The following PSTPIP1 variants were observed in gnomAD, a reference collection of about 807,000 sequenced individuals.
PSTPIP1 encodes the protein proline-serine-threonine phosphatase-interacting protein 1.
PSTPIP1 carries 66 observed loss-of-function variants against 69.6 expected under a neutral mutation model. The observed-to-expected ratio is 0.95, with a 90% CI of 0.78 to 1.16. The LOEUF (loss-of-function observed/expected upper bound fraction) is 1.16, where lower values mean the gene tolerates loss of function less well. Among genes scored for constraint, PSTPIP1 ranks in the 50% most tolerant of loss-of-function variants. The pLI, the probability that PSTPIP1 is intolerant of heterozygous loss-of-function variation, is 0.00. For missense variants in PSTPIP1, 603 were observed against 557.4 expected (o/e 1.08, Z -0.82); for synonymous variants, 266 against 222.7 (o/e 1.19, Z -1.73).
rs954224214 is a variant in PSTPIP1, at chr15:77,031,399, G to A, written c.741+121G>A. The A allele has an allele frequency of 7.3e-5, 80 of 1,094,236 alleles. No homozygotes were observed. In the South Asian group the frequency reaches 9.8e-4, roughly 13 times the overall value. The allele number at this position is 1,094,236 out of a possible 1,614,324, so 67.8% of individuals were successfully genotyped here. A position where few individuals can be genotyped will look rare whatever the true frequency, so the allele number is the denominator to read the frequency against. On this transcript the variant is annotated intron_variant, in intron 10 of 14. Transcript: ENST00000558012. Reference sequence around the variant, plus strand: ...CTCTGTGATCCAAGCCTGGCCCCAGGGGTCTCAGGCCTCAGCAGCTCAGCC... The same window carrying A: ...CTCTGTGATCCAAGCCTGGCCCCAGAGGTCTCAGGCCTCAGCAGCTCAGCC...
rs2076603781 is a variant in PSTPIP1 at position 77,037,229 on chromosome 15, C to T, written c.*53C>T. ...GCCCTGCCAGTGGAGCCAGCAGTGC[C>T]CCCAGCACTGTCCCCACCTTGCTAG... On this transcript the variant is annotated 3_prime_UTR_variant, in exon 15 of 15. Transcript: ENST00000558012. 1.3e-6 allele frequency: 2 copies of T among 1,550,352 alleles called. No homozygotes were observed. Among genetic ancestry groups the T allele is most frequent in the Admixed American group, 1.9e-5 (1 of 51,326 alleles).
intron 1 of PSTPIP1, among the ~76,000 whole-genome samples, chr15:77,000,885 G>A (rs2075693853): frequency 6.6e-6 from 1 of 151,824 alleles, no homozygotes; most frequent in Non-Finnish European, 1.5e-5. Flanking sequence ...ATTTTAAATT[G>A]TAGCGAAATA....
intron 1 of PSTPIP1, among the ~76,000 whole-genome samples, chr15:77,010,435 G>A (rs538239361): frequency 5.3e-5 from 8 of 152,248 alleles, no homozygotes; most frequent in African/African-American, 1.9e-4. Context: ...GCCCTTTGCT[G>A]TGTGTGACTT....
chr15:77,031,809 C>T (rs558046398), intron 10 of PSTPIP1: 69 of 175,908 alleles, frequency 3.9e-4, no homozygotes, highest in African/African-American at 1.5e-3. Flanking sequence ...ACGGCTCTCC[C>T]GGGCAGCCCT....
intron 14 of PSTPIP1, among the ~76,000 whole-genome samples, chr15:77,036,795 C>T (rs2076586108): frequency 6.6e-6 from 1 of 152,084 alleles, no homozygotes; most frequent in Non-Finnish European, 1.5e-5. Context: ...GTCACTGCGT[C>T]TCCAGAATGG....
intron 5 of PSTPIP1, 58 bp downstream of exon 5, chr15:77,025,662 T>C: frequency 7.4e-7 from 1 of 1,349,572 alleles, no homozygotes; most frequent in Non-Finnish European, 1.0e-6. Flanking sequence ...TCTCAGTTGC[T>C]GTGGGGGTAG....
chr15:77,029,988 C>T (rs978992286), intron 8 of PSTPIP1, among the ~76,000 whole-genome samples: 1 of 152,150 alleles, frequency 6.6e-6, no homozygotes, highest in Non-Finnish European at 1.5e-5. Flanking sequence ...ACTCTTGTCC[C>T]TGCTGGTGCC....
At chr15:76,995,123 C>T, upstream of PSTPIP1, 1 of 1,179,050 alleles carries the variant, frequency 8.5e-7, no homozygotes, top group Non-Finnish European at 1.1e-6. Context: ...GGGGAGGTTG[C>T]ACAAACCTTC....
intron 3 of PSTPIP1, among the ~76,000 whole-genome samples, chr15:77,020,879 GGT>G (rs574797740): frequency 0.043 from 5,467 of 127,928 alleles, 262 homozygotes; most frequent in Non-Finnish European, 0.056. Flanking sequence ...GGGGGGGGGG[GGT>G]GTGTGTGTTG....
chr15:77,003,938 A>G (rs2075765912), intron 1 of PSTPIP1, among the ~76,000 whole-genome samples: 3 of 152,192 alleles, frequency 2.0e-5, no homozygotes. Flanking sequence ...CCATAGGGTG[A>G]GCCTTATACA....
chr15:77,007,754 C>T (rs1472702787), intron 1 of PSTPIP1: 1 of 369,682 alleles, frequency 2.7e-6, no homozygotes, highest in Non-Finnish European at 5.5e-6. Context: ...ACCACCATGC[C>T]CAGCTAATTT....
chr15:77,025,800 AG>A (rs1192097182), intron 5 of PSTPIP1, among the ~76,000 whole-genome samples, 196 bp downstream of exon 5: 1 of 152,270 alleles, frequency 6.6e-6, no homozygotes, highest in Non-Finnish European at 1.5e-5. Context: ...GCTGGCACTA[AG>A]GCCAACTCTT....
At chr15:77,028,388 T>G in intron 6 of PSTPIP1, 166 bp from the exon 7 acceptor site, 1 of 578,656 alleles carries the variant, frequency 1.7e-6, no homozygotes, top group Non-Finnish European at 3.1e-6. Flanking sequence ...CCACGCCTTC[T>G]CTATCTCCTT....
At chr15:77,016,794 T>A (rs906465538) in intron 1 of PSTPIP1, among the ~76,000 whole-genome samples, 10 of 152,142 alleles carry the variant, frequency 6.6e-5, no homozygotes, top group African/African-American at 2.2e-4. Flanking sequence ...AGCACCTGAC[T>A]CAAATGCCTC....
chr15:77,005,694 A>G (rs1314307102), intron 1 of PSTPIP1, among the ~76,000 whole-genome samples: 1 of 152,190 alleles, frequency 6.6e-6, no homozygotes, highest in East Asian at 1.9e-4. Flanking sequence ...TTCTAGCTCT[A>G]TGGATTTGCC....
chr15:77,017,498 A>G (rs1184271379), intron 1 of PSTPIP1, among the ~76,000 whole-genome samples: 1 of 151,866 alleles, frequency 6.6e-6, no homozygotes, highest in Non-Finnish European at 1.5e-5. Context: ...GACTGAAGTC[A>G]CCCTCCATGC....
chr15:76,995,480 C>T lies in PSTPIP1; in HGVS notation c.-94C>T. 2.5e-6 allele frequency: 4 copies of T among 1,604,396 alleles called. No individual in the cohort carries two copies. The highest frequency in any genetic ancestry group is 3.4e-6 in the Non-Finnish European group (4 of 1,175,730). ...GCCGGGAAGGGGGGCCTGGGCCAGCCCTGCCAGGACTGGGACGCTGCTGCT... is the reference window on the plus strand; with the variant it reads ...GCCGGGAAGGGGGGCCTGGGCCAGCTCTGCCAGGACTGGGACGCTGCTGCT... On this transcript the variant is annotated 5_prime_UTR_variant, in exon 1 of 15. Transcript: ENST00000558012.
intron 12 of PSTPIP1, 35 bp from the exon 13 acceptor site, chr15:77,035,473 C>G: frequency 1.9e-6 from 3 of 1,563,012 alleles, no homozygotes; most frequent in Non-Finnish European, 2.6e-6. Context: ...GAGTGTGGGG[C>G]GGGGACACTC....
At chr15:76,996,080 G>C (rs1448359951) in intron 1 of PSTPIP1, among the ~76,000 whole-genome samples, 1 of 152,184 alleles carries the variant, frequency 6.6e-6, no homozygotes, top group African/African-American at 2.4e-5. Context: ...TAAAGCATTG[G>C]ATCAGCAAGG....
Sources: allele counts gnomAD v4.1 joint callset (sites outside exome capture counted in the v4.1 genomes callset), GRCh38; gene constraint gnomAD v4.1.1; transcripts MANE v1.5; gene names NCBI Gene and HGNC (gene_info 2026-07-23, HGNC 2026-07-21).